Variants in PRKCH observed in about 807,000 individuals in gnomAD.
PRKCH encodes protein kinase C eta type.
In PRKCH, 28 loss-of-function variants were observed where a neutral mutation model predicts 82.5. The ratio of observed to expected loss-of-function variants is 0.34; its 90% CI spans 0.25 to 0.47. The LOEUF (loss-of-function observed/expected upper bound fraction) is 0.47, where lower values mean the gene tolerates loss of function less well. Among genes scored for constraint, PRKCH ranks in the 20% least tolerant of loss-of-function variants. The pLI, the probability that PRKCH is intolerant of heterozygous loss-of-function variation, is 1.00. For synonymous variants in PRKCH, 322 were observed against 327.4 expected (o/e 0.98, Z 0.18); for missense variants, 705 against 881.8 (o/e 0.80, Z 2.54).
At chr14:61,324,265 A>G (rs1170665379) in intron 1 of PRKCH, among the ~76,000 whole-genome samples, 1 of 152,190 alleles carries the variant, frequency 6.6e-6, no homozygotes, top group Non-Finnish European at 1.5e-5. Context: ...GTTCCACTGG[A>G]TGAATATTCA....
intron 6 of PRKCH, among the ~76,000 whole-genome samples, chr14:61,452,590 C>A (rs1884562777): frequency 6.6e-6 from 1 of 152,172 alleles, no homozygotes. Context: ...GTACTCTGAC[C>A]TTCAGAAAGT....
chr14:61,307,718 C>G (rs1336640485), intron 1 of PRKCH, among the ~76,000 whole-genome samples: 1 of 152,132 alleles, frequency 6.6e-6, no homozygotes, highest in Non-Finnish European at 1.5e-5. Context: ...AACATTCATT[C>G]TATACATTTA....
intron 2 of PRKCH, 79 bp from the exon 3 acceptor site, chr14:61,443,032 A>G (rs555358655): frequency 8.7e-6 from 12 of 1,378,486 alleles, no homozygotes; most frequent in Middle Eastern, 4.1e-4. Context: ...TGAGCACTTG[A>G]ACTATCAAAC....
chr14:61,194,856 C>T (rs1327336009), intron 1 of PRKCH, among the ~76,000 whole-genome samples: 1 of 152,168 alleles, frequency 6.6e-6, no homozygotes, highest in African/African-American at 2.4e-5. Context: ...GCCTCACCCT[C>T]CTGAGTAGCT....
At chr14:61,442,985 G>T (rs769214306) in intron 2 of PRKCH, 126 bp from the exon 3 acceptor site, 29 of 932,682 alleles carry the variant, frequency 3.1e-5, no homozygotes, top group Non-Finnish European at 4.5e-5. Flanking sequence ...AGGGGGGATG[G>T]TTTAGATCTT....
chr14:61,451,063 A>G (rs1884488018), intron 6 of PRKCH, 92 bp downstream of exon 6: 3 of 1,425,954 alleles, frequency 2.1e-6, no homozygotes, highest in South Asian at 2.9e-5. Flanking sequence ...CTGTCCTAGA[A>G]CTGATGGTTT....
At chr14:61,535,303 G>C (rs1246737602) in intron 12 of PRKCH, among the ~76,000 whole-genome samples, 1 of 152,102 alleles carries the variant, frequency 6.6e-6, no homozygotes, top group Admixed American at 6.5e-5. Context: ...GAGGGAGAAA[G>C]AAATTTTAAA....
intron 1 of PRKCH, chr14:61,281,287 C>G: frequency 2.4e-6 from 1 of 414,300 alleles, no homozygotes; most frequent in East Asian, 4.1e-5. Flanking sequence ...TTGCCCGGGC[C>G]CCTCCTCTGC....
At chr14:61,535,282 G>C (rs2043092765) in intron 12 of PRKCH, among the ~76,000 whole-genome samples, 1 of 152,164 alleles carries the variant, frequency 6.6e-6, no homozygotes, top group Non-Finnish European at 1.5e-5. Context: ...TTACAGTCCA[G>C]TTGGGGTGGG....
intron 2 of PRKCH, among the ~76,000 whole-genome samples, chr14:61,409,149 A>C (rs17098308): frequency 0.019 from 2,835 of 152,272 alleles, 68 homozygotes; most frequent in African/African-American, 0.064. Context: ...CCTGGTGAGG[A>C]CCGACTGTGC....
At chr14:61,322,774 A>C in intron 1 of PRKCH, 1 of 314,642 alleles carries the variant, frequency 3.2e-6, no homozygotes, top group South Asian at 7.1e-5. Context: ...AAGGAGCTCC[A>C]ACTTTCAGCA....
chr14:61,204,972 CTATTT>C (rs1317294621), intron 1 of PRKCH, among the ~76,000 whole-genome samples: 3 of 152,100 alleles, frequency 2.0e-5, no homozygotes, highest in Admixed American at 1.3e-4. Context: ...TTCTTCCATA[CTATTT>C]TATTTCTTAC....
chr14:61,309,643 C>T (rs190789189), intron 1 of PRKCH, among the ~76,000 whole-genome samples: 20 of 152,234 alleles, frequency 1.3e-4, no homozygotes, highest in African/African-American at 4.1e-4. Flanking sequence ...AGAAAAATCA[C>T]CCAAATTTGT....
chr14:61,323,638 A>G (rs910471427), intron 1 of PRKCH, among the ~76,000 whole-genome samples: 8 of 152,230 alleles, frequency 5.3e-5, no homozygotes, highest in Admixed American at 1.3e-4. Context: ...AAAATTAAAG[A>G]TGGCTTGTGG....
chr14:61,299,575 T>C (rs1427622955), intron 1 of PRKCH: 1 of 152,246 alleles, frequency 6.6e-6, no homozygotes, highest in Non-Finnish European at 1.5e-5. Flanking sequence ...TCACTTGATG[T>C]TGGCCTGACA....
intron 1 of PRKCH, among the ~76,000 whole-genome samples, chr14:61,207,456 A>G (rs75161494): frequency 0.061 from 9,240 of 152,132 alleles, 967 homozygotes; most frequent in African/African-American, 0.21. Flanking sequence ...CCTTTGGTTT[A>G]TGCTTTTGAT....
rs994346922 is a variant in PRKCH at position 61,355,714 on chromosome 14, G to A, written c.363+33250G>A. Among the ~76,000 whole-genome samples the A allele has an allele frequency of 2.6e-5, 4 of 152,070 alleles. No individual in the cohort carries two copies. The East Asian group carries it at 7.7e-4, about 29-fold the overall frequency. ...GACTTTATTGGTTGCTTCACGGGTG[G>A]CTTCTGAATTCATTTCTTGGAATGT... On this transcript the variant is annotated intron_variant, in intron 1 of 13. Coordinates refer to ENST00000332981, the MANE Select transcript of PRKCH (RefSeq NM_006255.5).
chr14:61,243,274 T>C (rs2044855417), intron 1 of PRKCH, among the ~76,000 whole-genome samples: 1 of 150,890 alleles, frequency 6.6e-6, no homozygotes, highest in Non-Finnish European at 1.5e-5. Flanking sequence ...TGTGCGCACC[T>C]GTAGTCCCAG....
chr14:61,518,699 T>C (rs1480197591), intron 10 of PRKCH, among the ~76,000 whole-genome samples: 2 of 152,166 alleles, frequency 1.3e-5, no homozygotes, highest in African/African-American at 4.8e-5. Context: ...GTGGTGATGG[T>C]GGGAACACAC....
Sources: allele counts gnomAD v4.1 joint callset (sites outside exome capture counted in the v4.1 genomes callset), GRCh38; gene constraint gnomAD v4.1.1; transcripts MANE v1.5; gene names NCBI Gene and HGNC (gene_info 2026-07-23, HGNC 2026-07-21).